The following FBXO25 variants were observed in gnomAD, a reference collection of about 807,000 sequenced individuals.
FBXO25 encodes F-box protein 25.
FBXO25 carries 45 observed loss-of-function variants against 51.9 expected under a neutral mutation model. The ratio of observed to expected loss-of-function variants is 0.87; its 90% CI spans 0.68 to 1.11. The LOEUF is 1.11. Ranked by LOEUF, FBXO25 falls within the 50% of genes most tolerant of loss-of-function variation. The pLI is 0.00. For missense variants in FBXO25, 507 were observed against 428.5 expected (o/e 1.18, Z -1.62); for synonymous variants, 199 against 151.0 (o/e 1.32, Z -2.33).
chr8:413,356 A>T, intron 2 of FBXO25, 143 bp downstream of exon 2: 1 of 1,326,170 alleles, frequency 7.5e-7, no homozygotes. Flanking sequence ...TTGTTTAGCT[A>T]AAAAATGAGG....
At chr8:444,534 T>C (rs1181256466) in intron 5 of FBXO25, among the ~76,000 whole-genome samples, 2 of 152,224 alleles carry the variant, frequency 1.3e-5, no homozygotes, top group Admixed American at 1.3e-4. Flanking sequence ...TATAATTGAT[T>C]TTTATAAATA....
chr8:427,668 T>A (rs975111155), intron 2 of FBXO25, among the ~76,000 whole-genome samples: 1 of 148,832 alleles, frequency 6.7e-6, no homozygotes, highest in African/African-American at 2.5e-5. Flanking sequence ...GTTGAGTTTA[T>A]GAGTATGTAT....
At chr8:430,563 C>CTCA (rs1057308286) in intron 2 of FBXO25, among the ~76,000 whole-genome samples, 57 of 152,282 alleles carry the variant, frequency 3.7e-4, no homozygotes, top group East Asian at 7.7e-4. Flanking sequence ...GAGCACCACT[C>CTCA]TCACATGCCT....
At chr8:439,776 G>A (rs1348302948) in intron 5 of FBXO25, among the ~76,000 whole-genome samples, 2 of 152,164 alleles carry the variant, frequency 1.3e-5, no homozygotes. Context: ...TCTCTTAAAT[G>A]TGGAAAGGTG....
At chr8:466,260 G>A (rs1304432443) in intron 9 of FBXO25, among the ~76,000 whole-genome samples, 1 of 152,248 alleles carries the variant, frequency 6.6e-6, no homozygotes, top group Non-Finnish European at 1.5e-5. Flanking sequence ...CTAACCAGAG[G>A]CGAGTGGCCT....
intron 9 of FBXO25, chr8:467,638 T>C: frequency 2.9e-6 from 4 of 1,373,678 alleles, no homozygotes; most frequent in East Asian, 2.3e-5. Flanking sequence ...AGATACACTC[T>C]GGCTCTTTCT....
rs1800550616 is a variant in FBXO25 at position 473,606 on chromosome 8, A to G, written c.*4802A>G. 6.6e-6 allele frequency: 1 copy of G among 152,244 alleles called. No individual in the cohort carries two copies. The highest frequency in any genetic ancestry group is 2.4e-5 in the African/African-American group (1 of 41,428). 9.4% of individuals were successfully genotyped at this position (152,244 alleles called of 1,614,324 possible). A position where few individuals can be genotyped will look rare whatever the true frequency, so the allele number is the denominator to read the frequency against. ...GCTCAAATCCACAGAGTGACAAAGA[A>G]CAGAGATGCCCAGAGCACCAGCTGG... On this transcript the variant is annotated 3_prime_UTR_variant, in exon 10 of 10. Coordinates refer to ENST00000350302, the MANE Select transcript of FBXO25 (RefSeq NM_183420.2).
rs1800469453 is a variant in FBXO25, at chr8:471,066, G to C, written c.*2262G>C. ...CAAATCACAGATGTGCATTTAACTTGTATAAATTGAGCAGTACTTGCTTGG... is the reference window on the plus strand; with the variant it reads ...CAAATCACAGATGTGCATTTAACTTCTATAAATTGAGCAGTACTTGCTTGG... On this transcript the variant is annotated 3_prime_UTR_variant, in exon 10 of 10. Transcript: ENST00000350302. The C allele has an allele frequency of 6.6e-6, 1 of 152,276 alleles. No homozygotes were observed. Among genetic ancestry groups the C allele is most frequent in the South Asian group, 2.1e-4 (1 of 4,824 alleles). The allele number at this position is 152,276 out of a possible 1,614,324, so 9.4% of individuals were successfully genotyped here. A position where few individuals can be genotyped will look rare whatever the true frequency, so the allele number is the denominator to read the frequency against.
At chr8:467,925 G>A (rs765053140) in intron 9 of FBXO25, 4 of 1,448,376 alleles carry the variant, frequency 2.8e-6, no homozygotes, top group South Asian at 2.9e-5. Flanking sequence ...CAGCAAGGAC[G>A]AGAGTGTTGA....
At chr8:466,338 C>T (rs1800158948) in intron 9 of FBXO25, among the ~76,000 whole-genome samples, 1 of 152,160 alleles carries the variant, frequency 6.6e-6, no homozygotes, top group African/African-American at 2.4e-5. Flanking sequence ...GAGCTTGCTG[C>T]CCCTCCTAGG....
At chr8:450,451 T>C (rs943163971) in intron 6 of FBXO25, among the ~76,000 whole-genome samples, 7 of 152,250 alleles carry the variant, frequency 4.6e-5, no homozygotes, top group Admixed American at 4.6e-4. Flanking sequence ...TAATTTTCTT[T>C]CTAATTTAAT....
chr8:426,762 T>C (rs1470113359), intron 2 of FBXO25, among the ~76,000 whole-genome samples: 47 of 147,902 alleles, frequency 3.2e-4, no homozygotes, highest in African/African-American at 1.1e-3. Context: ...CACAGTGCAG[T>C]TGCTTCTCCC....
chr8:432,034 A>G (rs1340455355), intron 3 of FBXO25, among the ~76,000 whole-genome samples: 3 of 152,316 alleles, frequency 2.0e-5, no homozygotes, highest in Admixed American at 2.0e-4. Flanking sequence ...ACTTATAATA[A>G]AGTTTAATTT....
At chr8:446,220 T>C (rs1224279186) in intron 5 of FBXO25, among the ~76,000 whole-genome samples, 2 of 152,232 alleles carry the variant, frequency 1.3e-5, no homozygotes, top group East Asian at 3.9e-4. Context: ...AACAGGCCCC[T>C]AGACGATGCT....
intron 2 of FBXO25, among the ~76,000 whole-genome samples, chr8:417,933 T>G (rs1796907670): frequency 6.6e-6 from 1 of 152,240 alleles, no homozygotes; most frequent in South Asian, 2.1e-4. Context: ...AAGGTCCTAA[T>G]AGAATCGTAT....
At chr8:439,499 G>C (rs1798296950) in intron 5 of FBXO25, among the ~76,000 whole-genome samples, 1 of 152,200 alleles carries the variant, frequency 6.6e-6, no homozygotes, top group South Asian at 2.1e-4. Flanking sequence ...TTCATTCTCT[G>C]CCTGTGGTGG....
chr8:419,864 A>G (rs1459299416), intron 2 of FBXO25, among the ~76,000 whole-genome samples: 3 of 152,296 alleles, frequency 2.0e-5, no homozygotes, highest in East Asian at 3.9e-4. Flanking sequence ...TGTAAGTCAC[A>G]TATCTGACAA....
At chr8:446,528 G>A (rs1308892512) in intron 5 of FBXO25, among the ~76,000 whole-genome samples, 4 of 152,160 alleles carry the variant, frequency 2.6e-5, no homozygotes, top group South Asian at 2.1e-4. Flanking sequence ...TATTATTAGC[G>A]ATAATGCTGA....
At chr8:466,474 CTTTGTT>C (rs1465219908) in intron 9 of FBXO25, among the ~76,000 whole-genome samples, 1 of 152,196 alleles carries the variant, frequency 6.6e-6, no homozygotes, top group Non-Finnish European at 1.5e-5. Flanking sequence ...ACTGCTTGTT[CTTTGTT>C]TGTTTAGCAT....
Sources: allele counts gnomAD v4.1 joint callset (sites outside exome capture counted in the v4.1 genomes callset), GRCh38; gene constraint gnomAD v4.1.1; transcripts MANE v1.5; gene names NCBI Gene and HGNC (gene_info 2026-07-23, HGNC 2026-07-21).